RYR2: variants seen among roughly 807,000 people sequenced by gnomAD.
RYR2 encodes ryanodine receptor 2.
Under a neutral mutation model 601.1 loss-of-function variants are expected in RYR2, and 227 were observed. The ratio of observed to expected loss-of-function variants is 0.38; its 90% confidence interval spans 0.34 to 0.42. The LOEUF is 0.42. Among genes scored for constraint, RYR2 ranks in the 10% least tolerant of loss-of-function variants. The pLI is 1.00. For missense variants in RYR2, 4,646 were observed against 6,156.5 expected, an observed-to-expected ratio of 0.75 and a Z score of 8.21; for synonymous variants, 2,223 against 2,175.1, an observed-to-expected ratio of 1.02 and a Z score of -0.61.
chr1:237,295,013 A>G (rs543692529), intron 2 of RYR2, among the ~76,000 whole-genome samples: 1 of 152,270 alleles, frequency 6.6e-6, no homozygotes, highest in South Asian at 2.1e-4. Context: ...TAGGAGTTCA[A>G]TACCAGCCTG....
chr1:237,624,270 T>G (rs115053074), intron 39 of RYR2, among the ~76,000 whole-genome samples: 1 of 152,214 alleles, frequency 6.6e-6, no homozygotes, highest in Non-Finnish European at 1.5e-5. Flanking sequence ...AACAGGGTGC[T>G]TCTAGTTCAC....
chr1:237,542,265 G>A (rs1288366504), intron 25 of RYR2, among the ~76,000 whole-genome samples: 3 of 151,890 alleles, frequency 2.0e-5, no homozygotes, highest in African/African-American at 7.3e-5. Context: ...AGCTAATTTT[G>A]TATTTTTAGT....
chr1:237,689,210 G>A (rs1686720108), intron 63 of RYR2, among the ~76,000 whole-genome samples: 1 of 152,222 alleles, frequency 6.6e-6, no homozygotes, highest in Non-Finnish European at 1.5e-5. Context: ...TGAGGTAGCA[G>A]TGAGCTATGA....
At position 237,278,501 on chromosome 1, in the gene RYR2, A is replaced by T. The variant is rs367603710; in HGVS notation, c.168+7885A>T. On this transcript the variant is annotated intron_variant, in intron 2 of 104. Coordinates refer to ENST00000366574, the MANE Select transcript of RYR2 (RefSeq NM_001035.3). ...CAGGAAATAGAAAATATATTACCTT[A>T]TTTATACTGTTTTAATTAATGCTTT... is the stretch of plus-strand genomic sequence containing the variant. 6.6e-5 allele frequency among the ~76,000 whole-genome samples: 10 copies of T among 152,158 alleles called. No homozygotes were observed. In the South Asian group the frequency reaches 1.9e-3, roughly 28 times the overall value.
chr1:237,077,675 T>C (rs1665143403), intron 1 of RYR2, among the ~76,000 whole-genome samples: 1 of 148,540 alleles, frequency 6.7e-6, no homozygotes, highest in Non-Finnish European at 1.5e-5. Context: ...ACATTAATAA[T>C]GGGAGACTTT....
chr1:237,504,246 G>C (rs538516252), intron 22 of RYR2, among the ~76,000 whole-genome samples: 2 of 152,172 alleles, frequency 1.3e-5, no homozygotes, highest in Admixed American at 1.3e-4. Context: ...GGGTGCAGGC[G>C]GGCTGAGTCC....
intron 1 of RYR2, among the ~76,000 whole-genome samples, chr1:237,097,877 G>A (rs193011329): frequency 3.2e-4 from 48 of 152,284 alleles, no homozygotes; most frequent in African/African-American, 1.1e-3. Context: ...TGACAAGTGA[G>A]TGCCCCCAAT....
At chr1:237,592,587 G>A (rs983125319) in intron 32 of RYR2, among the ~76,000 whole-genome samples, 2 of 150,590 alleles carry the variant, frequency 1.3e-5, no homozygotes, top group Non-Finnish European at 3.0e-5. Context: ...GAGCCGACAC[G>A]GTGTCACTGC....
intron 5 of RYR2, 114 bp from the exon 6 acceptor site, chr1:237,369,418 AAT>A: frequency 1.2e-6 from 1 of 863,638 alleles, no homozygotes; most frequent in African/African-American, 1.7e-5. Flanking sequence ...AAGAGCTCTT[AAT>A]ACATTCTTTC....
In RYR2 at chr1:237,167,009, A is replaced by T. The variant is rs377108760; in HGVS notation, c.49-103488A>T. Among the ~76,000 whole-genome samples the T allele has an allele frequency of 3.9e-4, 60 of 152,374 alleles. No homozygotes were observed. In the South Asian group the frequency reaches 0.012, roughly 32 times the overall value. ...AATGAAGCAACAAATAAACAAACAA[A>T]AGCAACCTCTTCACTGCAGATGGGC... On this transcript the variant is annotated intron_variant, in intron 1 of 104. Coordinates refer to ENST00000366574, the MANE Select transcript of RYR2 (RefSeq NM_001035.3).
chr1:237,207,668 T>A (rs1367477479), intron 1 of RYR2, among the ~76,000 whole-genome samples: 1 of 152,164 alleles, frequency 6.6e-6, no homozygotes, highest in Non-Finnish European at 1.5e-5. Flanking sequence ...TCCAGAGCTG[T>A]GAAAAAATAA....
intron 71 of RYR2, among the ~76,000 whole-genome samples, chr1:237,713,176 C>T (rs533931834): frequency 6.6e-6 from 1 of 152,168 alleles, no homozygotes; most frequent in Non-Finnish European, 1.5e-5. Context: ...CCTTTTCCCT[C>T]TTTTCCATCA....
chr1:237,120,512 G>A (rs1027472894), intron 1 of RYR2, among the ~76,000 whole-genome samples: 3 of 152,204 alleles, frequency 2.0e-5, no homozygotes, highest in East Asian at 1.9e-4. Context: ...AAATGGTGAC[G>A]ATAAAATGTG....
chr1:237,299,190 G>C (rs1167486929), intron 2 of RYR2, among the ~76,000 whole-genome samples: 1 of 147,798 alleles, frequency 6.8e-6, no homozygotes, highest in South Asian at 2.3e-4. Context: ...GAAACTGAGA[G>C]TAAATCTCCG....
At chr1:237,752,595 G>GA (rs1456734741) in intron 80 of RYR2, among the ~76,000 whole-genome samples, 1 of 152,036 alleles carries the variant, frequency 6.6e-6, no homozygotes, top group African/African-American at 2.4e-5. Context: ...AAATACAACA[G>GA]AAAAAAATAA....
At chr1:237,287,235 CTTAAGA>C (rs1691667125) in intron 2 of RYR2, among the ~76,000 whole-genome samples, 1 of 152,150 alleles carries the variant, frequency 6.6e-6, no homozygotes, top group Non-Finnish European at 1.5e-5. Flanking sequence ...TCTCACAGCT[CTTAAGA>C]TTATTTCCTT....
chr1:237,104,831 G>A (rs1379564958), intron 1 of RYR2, among the ~76,000 whole-genome samples: 5 of 152,214 alleles, frequency 3.3e-5, no homozygotes, highest in South Asian at 2.1e-4. Flanking sequence ...GTGCCTGTGC[G>A]TGGCAGGCCC....
In RYR2 at chr1:237,451,980, ATGTGTGTTTGTG is replaced by A. The variant is rs893530736; in HGVS notation, c.1293-2385_1293-2374del. On this transcript the variant is annotated intron_variant, in intron 14 of 104. Coordinates refer to ENST00000366574, the MANE Select transcript of RYR2 (RefSeq NM_001035.3). The stretch of plus-strand genomic sequence containing the variant: ...GTGGTTGTGGTAGTACTGTGTGTGT[ATGTGTGTTTGTG>A]TGTGTGTTTGTGTGTGTGTTTGTGT... Among the ~76,000 whole-genome samples the A allele has an allele frequency of 6.5e-3, 238 of 36,448 alleles. 1 individual carries two copies. The highest frequency in any genetic ancestry group is 0.014 in the Middle Eastern group (1 of 74). The allele number at this position is 36,448 out of a possible 152,430, so 23.9% of individuals were successfully genotyped here. A position where few individuals can be genotyped will look rare whatever the true frequency, so the allele number is the denominator to read the frequency against.
chr1:237,503,056 T>A (rs1413138021), intron 21 of RYR2, among the ~76,000 whole-genome samples: 1 of 152,170 alleles, frequency 6.6e-6, no homozygotes, highest in Admixed American at 6.5e-5. Flanking sequence ...CACTGACCCA[T>A]TAATTAACTT....
Sources: allele counts gnomAD v4.1 joint callset (sites outside exome capture counted in the v4.1 genomes callset), GRCh38; gene constraint gnomAD v4.1.1; transcripts MANE v1.5; gene names NCBI Gene and HGNC (gene_info 2026-07-23, HGNC 2026-07-21).